Variants in SYNE2 observed in about 807,000 individuals in gnomAD.
SYNE2 encodes nesprin-2.
In SYNE2, 431 loss-of-function variants were observed where a neutral mutation model predicts 856.3. The ratio of observed to expected loss-of-function variants is 0.50; its 90% confidence interval spans 0.47 to 0.55. The LOEUF is 0.55. Among genes scored for constraint, SYNE2 ranks in the 20% least tolerant of loss-of-function variants. The pLI, the probability that SYNE2 is intolerant of heterozygous loss-of-function variation, is 0.00. For missense variants in SYNE2, 8,129 were observed against 8,023.2 expected, an observed-to-expected ratio of 1.01 and a Z score of -0.50; for synonymous variants, 2,923 against 2,872.3, an observed-to-expected ratio of 1.02 and a Z score of -0.56.
intron 95 of SYNE2, among the ~76,000 whole-genome samples, chr14:64,176,994 C>T (rs570279731): frequency 5.9e-5 from 9 of 152,096 alleles, no homozygotes; most frequent in African/African-American, 9.6e-5. Flanking sequence ...GACGGAGTTT[C>T]GCCATGTTGG....
chr14:63,846,260 T>C (rs1363126669), intron 1 of SYNE2, among the ~76,000 whole-genome samples: 2 of 149,330 alleles, frequency 1.3e-5, no homozygotes, highest in Non-Finnish European at 3.0e-5. Flanking sequence ...GTTGCCCAGG[T>C]TGGTCTCAAA....
At chr14:64,013,249 G>A (rs2096861318) in intron 32 of SYNE2, among the ~76,000 whole-genome samples, 1 of 151,574 alleles carries the variant, frequency 6.6e-6, no homozygotes, top group South Asian at 2.1e-4. Flanking sequence ...AATAAATGAA[G>A]TATATCAATT....
intron 2 of SYNE2, among the ~76,000 whole-genome samples, chr14:63,914,518 G>C (rs2095512233): frequency 6.6e-6 from 1 of 152,196 alleles, no homozygotes; most frequent in South Asian, 2.1e-4. Flanking sequence ...GGCTGGAAAA[G>C]GGTGGAAAGT....
At chr14:64,150,332 G>A (rs909316003) in intron 84 of SYNE2, among the ~76,000 whole-genome samples, 30 of 95,266 alleles carry the variant, frequency 3.1e-4, no homozygotes, top group African/African-American at 7.5e-4. Context: ...GGATCCTCCC[G>A]CCTCAGCCTC....
intron 1 of SYNE2, among the ~76,000 whole-genome samples, chr14:63,840,667 G>T (rs1456763065): frequency 2.6e-5 from 4 of 151,974 alleles, no homozygotes. Flanking sequence ...TCTGTTCATC[G>T]CCATTACATG....
intron 99 of SYNE2, chr14:64,191,240 T>G (rs2098517481): frequency 4.2e-6 from 1 of 237,152 alleles, no homozygotes; most frequent in African/African-American, 2.3e-5. Context: ...CCTCATTGTT[T>G]ACTGGAAACC....
chr14:64,065,731 A>C, intron 51 of SYNE2, 81 bp downstream of exon 51: 1 of 1,481,942 alleles, frequency 6.7e-7, no homozygotes, highest in Non-Finnish European at 9.3e-7. Flanking sequence ...TTGTTTTTCT[A>C]TAAAACGAGT....
At chr14:63,929,587 A>G (rs951459396) in intron 2 of SYNE2, among the ~76,000 whole-genome samples, 2 of 152,060 alleles carry the variant, frequency 1.3e-5, no homozygotes, top group African/African-American at 4.8e-5. Flanking sequence ...CCTGGCCAAC[A>G]TGGTGAAACC....
intron 6 of SYNE2, among the ~76,000 whole-genome samples, chr14:63,947,072 A>G (rs1257201096): frequency 6.6e-6 from 1 of 152,104 alleles, no homozygotes; most frequent in African/African-American, 2.4e-5. Context: ...CTGGTCTTGA[A>G]TTCTTGACCT....
intron 54 of SYNE2, among the ~76,000 whole-genome samples, chr14:64,077,278 G>T (rs1248805287): frequency 1.3e-5 from 2 of 152,184 alleles, no homozygotes; most frequent in South Asian, 2.1e-4. Flanking sequence ...TATCTCAATG[G>T]TATACATTTC....
intron 113 of SYNE2, among the ~76,000 whole-genome samples, chr14:64,223,647 G>T (rs1397336923): frequency 6.6e-6 from 1 of 151,922 alleles, no homozygotes; most frequent in Non-Finnish European, 1.5e-5. Flanking sequence ...TGTATTTTTT[G>T]TAGAGAAGGG....
intron 1 of SYNE2, among the ~76,000 whole-genome samples, chr14:63,874,987 A>T (rs1170412536): frequency 6.6e-6 from 1 of 152,154 alleles, no homozygotes; most frequent in Non-Finnish European, 1.5e-5. Flanking sequence ...AGATGGTGTC[A>T]TCTAAATTAA....
At chr14:63,898,841 T>G (rs924999005) in intron 1 of SYNE2, among the ~76,000 whole-genome samples, 22 of 152,238 alleles carry the variant, frequency 1.4e-4, no homozygotes, top group Admixed American at 1.2e-3. Context: ...TGAAAAGTTT[T>G]CTTTTAAAAC....
rs757936399 is a variant in SYNE2, at chr14:64,002,773, G to T, written c.3840G>T (p.Glu1280Asp). The change falls in exon 30 of 116, where the codon GAG becomes GAT. Residue 1280 changes from glutamate (E) to aspartate (D), a missense_variant. Glu to Asp is a conservative substitution (Grantham distance 45). Coordinates refer to ENST00000555002, the MANE Select transcript of SYNE2 (RefSeq NM_182914.3). ...KQIEICNRLE[E>D]PGNFVLKELH... is the part of the protein sequence containing the mutation. The stretch of plus-strand genomic sequence containing the variant: ...TTGAAATATGTAACCGCTTAGAAGA[G>T]CCAGGCAACTTTGTATTAAAGGAGT... 6.2e-7 allele frequency: 1 copy of T among 1,613,858 alleles called. No individual in the cohort carries two copies. The highest frequency in any genetic ancestry group is 8.5e-7 in the Non-Finnish European group (1 of 1,179,986).
intron 45 of SYNE2, among the ~76,000 whole-genome samples, chr14:64,037,128 C>G (rs1261041441): frequency 1.3e-5 from 2 of 150,544 alleles, no homozygotes; most frequent in Non-Finnish European, 1.5e-5. Flanking sequence ...GAAATACTGT[C>G]TCCTCTTTTT....
At chr14:64,024,014 G>A in intron 38 of SYNE2, 3 of 456,688 alleles carry the variant, frequency 6.6e-6, no homozygotes, top group East Asian at 4.5e-5. Context: ...AGCTGTCCTG[G>A]TCTTGCTCCT....
chr14:64,055,261 T>C (rs10133394), intron 48 of SYNE2, among the ~76,000 whole-genome samples: 152,033 of 152,290 alleles, frequency 1, 75,896 homozygotes, highest in African/African-American at 1. Flanking sequence ...TTATTTAATT[T>C]GTAGTCTAGT....
intron 1 of SYNE2, among the ~76,000 whole-genome samples, chr14:63,771,163 G>A (rs1320519232): frequency 6.9e-6 from 1 of 144,920 alleles, no homozygotes; most frequent in East Asian, 2.1e-4. Flanking sequence ...TCCGCCTCCC[G>A]GGTTCACGCC....
chr14:63,791,885 T>C (rs12885511), intron 1 of SYNE2, among the ~76,000 whole-genome samples: 93,910 of 148,924 alleles, frequency 0.63, 30,029 homozygotes, highest in South Asian at 0.77. Context: ...GCGGAGCTTG[T>C]AGTGAGTGAG....
Sources: allele counts gnomAD v4.1 joint callset (sites outside exome capture counted in the v4.1 genomes callset), GRCh38; gene constraint gnomAD v4.1.1; transcripts MANE v1.5; gene names NCBI Gene and HGNC (gene_info 2026-07-23, HGNC 2026-07-21).